MTBP: variants seen among roughly 807,000 people sequenced by gnomAD.
MTBP encodes the protein mdm2-binding protein.
Under a neutral mutation model 117.0 loss-of-function variants are expected in MTBP, and 101 were observed. That is an observed-to-expected ratio of 0.86 (90% CI 0.73 to 1.02). The LOEUF (loss-of-function observed/expected upper bound fraction) is 1.02, where lower values mean the gene tolerates loss of function less well. Ranked by LOEUF, MTBP falls within the 50% of genes least tolerant of loss-of-function variation. The pLI, the probability that MTBP is intolerant of heterozygous loss-of-function variation, is 0.00. For synonymous variants in MTBP, 350 were observed against 351.5 expected (o/e 1.00, Z 0.05); for missense variants, 970 against 1,030.9 (o/e 0.94, Z 0.81).
chr8:120,511,768 C>G (rs187321475), intron 17 of MTBP, among the ~76,000 whole-genome samples: 2 of 152,102 alleles, frequency 1.3e-5, no homozygotes, highest in East Asian at 3.9e-4. Context: ...ACCAACAATT[C>G]CTTTCCTTAT....
chr8:120,521,656 T>C (rs1411641573), intron 20 of MTBP, among the ~76,000 whole-genome samples: 1 of 152,176 alleles, frequency 6.6e-6, no homozygotes. Context: ...AGATAACTGC[T>C]TCTTATCTTT....
chr8:120,507,033 T>G (rs1814700725), intron 16 of MTBP, among the ~76,000 whole-genome samples, 172 bp downstream of exon 16: 1 of 152,148 alleles, frequency 6.6e-6, no homozygotes, highest in African/African-American at 2.4e-5. Context: ...TATCAAAATA[T>G]CCTACTGTTT....
At chr8:120,452,963 T>C (rs2130512053) in intron 4 of MTBP, 1 of 152,256 alleles carries the variant, frequency 6.6e-6, no homozygotes. Flanking sequence ...GGTGGGTTTA[T>C]AGTAAAGGAT....
intron 1 of MTBP, among the ~76,000 whole-genome samples, chr8:120,445,955 TC>T (rs754301030): frequency 2.6e-5 from 4 of 152,310 alleles, no homozygotes; most frequent in Non-Finnish European, 5.9e-5. Context: ...GATCTTGCTG[TC>T]CTACAATTTA....
intron 2 of MTBP, 143 bp from the exon 3 acceptor site, chr8:120,450,860 G>T (rs1232024506): frequency 5.9e-6 from 3 of 511,438 alleles, no homozygotes; most frequent in South Asian, 1.1e-4. Context: ...TTTTAGTAGG[G>T]ATTTTTAAAA....
At chr8:120,519,375 G>A (rs1164490834) in intron 20 of MTBP, among the ~76,000 whole-genome samples, 1 of 152,070 alleles carries the variant, frequency 6.6e-6, no homozygotes, top group Non-Finnish European at 1.5e-5. Flanking sequence ...TGACTGTGTA[G>A]TAAAAAGGCT....
At chr8:120,476,770 A>G (rs969670900) in intron 11 of MTBP, among the ~76,000 whole-genome samples, 1 of 152,188 alleles carries the variant, frequency 6.6e-6, no homozygotes, top group Non-Finnish European at 1.5e-5. Context: ...AACAAATGGA[A>G]GACTATTTCA....
At chr8:120,488,068 A>C in intron 11 of MTBP, 91 bp from the exon 12 acceptor site, 1 of 1,091,210 alleles carries the variant, frequency 9.2e-7, no homozygotes, top group Non-Finnish European at 1.3e-6. Flanking sequence ...ATAACAAAAA[A>C]TTTTATTATA....
intron 6 of MTBP, among the ~76,000 whole-genome samples, chr8:120,456,080 T>C (rs986986415): frequency 3.9e-5 from 6 of 152,172 alleles, no homozygotes; most frequent in African/African-American, 1.2e-4. Context: ...TAGCAATAGA[T>C]GCTTGTAAGT....
intron 2 of MTBP, 73 bp from the exon 3 acceptor site, chr8:120,450,930 T>C (rs1813324825): frequency 1.0e-6 from 1 of 993,572 alleles, no homozygotes; most frequent in Non-Finnish European, 1.5e-6. Context: ...GGTCTGTAAG[T>C]ACGGTATATA....
intron 15 of MTBP, among the ~76,000 whole-genome samples, chr8:120,505,989 C>G (rs1036521376): frequency 3.9e-5 from 6 of 152,054 alleles, no homozygotes; most frequent in Non-Finnish European, 8.8e-5. Context: ...ATAATGATTG[C>G]TTTTTAAGCT....
chr8:120,517,897 GGTAATAGTAA>G lies in MTBP; in HGVS notation c.2294_2303del (p.Gly765ValfsTer7), dbSNP rs1464454415. On this transcript the variant is annotated frameshift_variant, in exon 19 of 22. Transcript: ENST00000305949. LOFTEE classifies it high-confidence loss of function. ...AGAGTCTCTTCTTTCTCAGACAACT[GGTAATAGTAA>G]TCACTATCATCATCATGTGACATCC... 1.2e-6 allele frequency: 2 copies of G among 1,611,204 alleles called. No homozygotes were observed. Among genetic ancestry groups the G allele is most frequent in the African/African-American group, 2.7e-5 (2 of 74,764 alleles).
intron 20 of MTBP, among the ~76,000 whole-genome samples, chr8:120,519,106 T>A (rs1428087309): frequency 6.6e-6 from 1 of 151,788 alleles, no homozygotes; most frequent in Non-Finnish European, 1.5e-5. Flanking sequence ...TTTAATACAG[T>A]TGGCCCTCCA....
chr8:120,496,514 A>G lies in MTBP; in HGVS notation c.1448-879A>G, dbSNP rs185379707. Among the ~76,000 whole-genome samples the G allele has an allele frequency of 1.1e-4, 17 of 152,240 alleles. No homozygotes were observed. In the East Asian group the frequency reaches 2.5e-3, roughly 23 times the overall value. ...CCCCTAACTCCACCCCTTGCTATCT[A>G]GAGTTCTTTTCTCTGACAGCATTCA... On this transcript the variant is annotated intron_variant, in intron 13 of 21. Transcript: ENST00000305949.
intron 10 of MTBP, among the ~76,000 whole-genome samples, chr8:120,464,047 CAT>C (rs1427188970): frequency 6.6e-6 from 1 of 151,894 alleles, no homozygotes; most frequent in Non-Finnish European, 1.5e-5. Context: ...AATTTTATAA[CAT>C]GTTATTGTTA....
intron 10 of MTBP, 49 bp downstream of exon 10, chr8:120,463,810 C>A (rs904310624): frequency 6.6e-7 from 1 of 1,515,702 alleles, no homozygotes. Flanking sequence ...TTTATACTTG[C>A]CATTTAAGGA....
chr8:120,518,623 A>G (rs900399191), intron 19 of MTBP, 81 bp from the exon 20 acceptor site: 1 of 856,484 alleles, frequency 1.2e-6, no homozygotes, highest in African/African-American at 1.7e-5. Context: ...TGTGTAATTC[A>G]CAGGATTGAA....
At chr8:120,497,322 T>C in intron 13 of MTBP, 71 bp from the exon 14 acceptor site, 1 of 1,341,788 alleles carries the variant, frequency 7.5e-7, no homozygotes, top group South Asian at 1.5e-5. Context: ...CTGAAAATAT[T>C]TTCCACAAAA....
intron 11 of MTBP, among the ~76,000 whole-genome samples, chr8:120,480,916 TAAAGA>T (rs1008611098): frequency 9.9e-5 from 15 of 152,120 alleles, no homozygotes; most frequent in African/African-American, 3.4e-4. Flanking sequence ...ACAATCTACT[TAAAGA>T]AAATAGTTCC....
Sources: gnomAD v4.1 joint callset for allele counts (sites outside exome capture counted in the v4.1 genomes callset) on GRCh38, gnomAD v4.1.1 for gene constraint, MANE v1.5 for transcripts, NCBI Gene and HGNC (gene_info 2026-07-23, HGNC 2026-07-21) for gene names.